Variants in DGKB observed in about 807,000 individuals in gnomAD.
DGKB encodes diacylglycerol kinase beta.
In DGKB, 67 loss-of-function variants were observed where a neutral mutation model predicts 114.3. The observed-to-expected ratio is 0.59, with a 90% CI of 0.48 to 0.72. DGKB has a LOEUF of 0.72. Ranked by LOEUF, DGKB falls within the 30% of genes least tolerant of loss-of-function variation. DGKB has a pLI of 0.00. For synonymous variants in DGKB, 398 were observed against 323.1 expected (o/e 1.23, Z -2.49); for missense variants, 907 against 975.2 (o/e 0.93, Z 0.93).
intron 23 of DGKB, among the ~76,000 whole-genome samples, chr7:14,268,055 G>C (rs966990158): frequency 6.6e-6 from 1 of 152,082 alleles, no homozygotes; most frequent in African/African-American, 2.4e-5. Context: ...TGCCAGCCAA[G>C]TATTATCCAG....
At chr7:14,188,542 C>T (rs1783804829) in intron 23 of DGKB, among the ~76,000 whole-genome samples, 1 of 144,242 alleles carries the variant, frequency 6.9e-6, no homozygotes, top group African/African-American at 2.5e-5. Flanking sequence ...CGCCTGTAGT[C>T]CCAGCTACTT....
chr7:14,220,548 C>T (rs901778224), intron 23 of DGKB, among the ~76,000 whole-genome samples: 1 of 151,434 alleles, frequency 6.6e-6, no homozygotes, highest in African/African-American at 2.4e-5. Context: ...TTTTCGAAAT[C>T]AGAAAATGTG....
At chr7:14,563,738 G>C (rs1181185424) in intron 20 of DGKB, among the ~76,000 whole-genome samples, 1 of 147,440 alleles carries the variant, frequency 6.8e-6, no homozygotes, top group Non-Finnish European at 1.5e-5. Flanking sequence ...GATTCTCTAT[G>C]TTTATGTAAT....
At chr7:14,329,934 GTAGGTGATCTGCCACTATTTTCAA>G (rs932936020) in intron 23 of DGKB, among the ~76,000 whole-genome samples, 7 of 151,958 alleles carry the variant, frequency 4.6e-5, no homozygotes, top group African/African-American at 1.7e-4. Flanking sequence ...TTTACTCTAG[GTAGGTGATCTGCCACTATTTTCAA>G]TAGACAGAGG....
At chr7:14,348,650 T>G (rs1812896875) in intron 21 of DGKB, among the ~76,000 whole-genome samples, 1 of 151,924 alleles carries the variant, frequency 6.6e-6, no homozygotes, top group Non-Finnish European at 1.5e-5. Flanking sequence ...GATTTGTACC[T>G]CAATGAAGCT....
chr7:14,560,639 G>C (rs1379018334), intron 20 of DGKB, among the ~76,000 whole-genome samples: 3 of 152,000 alleles, frequency 2.0e-5, no homozygotes, highest in Non-Finnish European at 4.4e-5. Context: ...TCTATATCTT[G>C]GCTATAGCAA....
chr7:14,392,995 G>GTTTTTTTTTTTTTTTT lies in DGKB; in HGVS notation c.1836-47605_1836-47604insAAAAAAAAAAAAAAAA, dbSNP rs1554404748. Among the ~76,000 whole-genome samples, 202 of 60,484 alleles carry GTTTTTTTTTTTTTTTT rather than the reference G, an allele frequency of 3.3e-3. 2 individuals are homozygous for GTTTTTTTTTTTTTTTT. The highest frequency in any genetic ancestry group is 5.8e-3 in the South Asian group (7 of 1,210). The allele number at this position is 60,484 out of a possible 152,430, so 39.7% of individuals were successfully genotyped here. ...CAAAACAGACCTGTTTTTTGTTTTT[G>GTTTTTTTTTTTTTTTT]TTTTTTTTTTTTTGAGACGGAGTCT... On this transcript the variant is annotated intron_variant, in intron 21 of 25. Transcript: ENST00000402815.
chr7:14,475,596 A>C (rs1782050024), intron 21 of DGKB, among the ~76,000 whole-genome samples: 2 of 152,176 alleles, frequency 1.3e-5, no homozygotes, highest in African/African-American at 4.8e-5. Flanking sequence ...TCGCAATAGA[A>C]ACCTGTGACT....
At chr7:14,920,927 A>AT (rs202228987) in intron 1 of DGKB, among the ~76,000 whole-genome samples, 3,766 of 151,982 alleles carry the variant, frequency 0.025, 165 homozygotes, top group African/African-American at 0.087. Flanking sequence ...TTTTAAATTA[A>AT]TTTTTTTTCA....
At chr7:14,485,440 T>A (rs950754618) in intron 20 of DGKB, among the ~76,000 whole-genome samples, 1 of 151,898 alleles carries the variant, frequency 6.6e-6, no homozygotes, top group Non-Finnish European at 1.5e-5. Flanking sequence ...AGTTTTGGAT[T>A]ACACTGCTGG....
At chr7:14,470,936 G>A (rs989430675) in intron 21 of DGKB, among the ~76,000 whole-genome samples, 4 of 151,280 alleles carry the variant, frequency 2.6e-5, no homozygotes, top group African/African-American at 4.8e-5. Flanking sequence ...TATATGGTAA[G>A]TAAAAATATT....
chr7:14,736,111 G>T lies in DGKB; in HGVS notation c.252C>A (p.Phe84Leu). The T allele has an allele frequency of 6.2e-7, 1 of 1,609,658 alleles. No individual in the cohort carries two copies. The highest frequency in any genetic ancestry group is 8.5e-7 in the Non-Finnish European group (1 of 1,176,766). Residue 84 changes from phenylalanine (F) to leucine (L), a missense_variant, in exon 5 of 26, where the codon TTC (phenylalanine) becomes TTA (leucine). Physicochemically the swap from Phe to Leu is conservative, Grantham distance 22 (BLOSUM62 0). Coordinates refer to ENST00000402815, the MANE Select transcript of DGKB (RefSeq NM_001350709.2). ...GAGGAAACTTGTTGCTAAATGACAT[G>T]AAAAGGTGTGCAGTGAAATCATCAG... is the stretch of plus-strand genomic sequence containing the variant. ...ELPDDFTAHL[F>L]MSFSNKFPHS...
At chr7:14,167,397 C>T (rs561184383) in intron 25 of DGKB, among the ~76,000 whole-genome samples, 1 of 151,938 alleles carries the variant, frequency 6.6e-6, no homozygotes, top group African/African-American at 2.4e-5. Context: ...ATCACAGAAC[C>T]CTGGAGGCAG....
intron 21 of DGKB, among the ~76,000 whole-genome samples, chr7:14,412,740 G>A (rs987411392): frequency 6.6e-6 from 1 of 152,050 alleles, no homozygotes; most frequent in Non-Finnish European, 1.5e-5. Flanking sequence ...CCAGAACTTT[G>A]AGAAGCTGAG....
chr7:14,710,006 T>G, intron 6 of DGKB, among the ~76,000 whole-genome samples: 1 of 134,296 alleles, frequency 7.4e-6, no homozygotes, highest in South Asian at 2.4e-4. Context: ...AAAAAGAAAA[T>G]GTTTGCCAAT....
intron 13 of DGKB, among the ~76,000 whole-genome samples, chr7:14,642,549 A>G (rs1392004290): frequency 6.6e-6 from 1 of 152,198 alleles, no homozygotes; most frequent in Non-Finnish European, 1.5e-5. Flanking sequence ...CTTCACACAG[A>G]AAAATTAATC....
At chr7:14,207,162 T>C (rs1786962280) in intron 23 of DGKB, among the ~76,000 whole-genome samples, 3 of 152,060 alleles carry the variant, frequency 2.0e-5, no homozygotes. Context: ...TCTCTCCCTC[T>C]GCCTCCTTTG....
chr7:14,750,824 A>G (rs1834014961), intron 4 of DGKB, among the ~76,000 whole-genome samples: 2 of 95,676 alleles, frequency 2.1e-5, no homozygotes, highest in African/African-American at 5.4e-5. Context: ...TTTCTGAGAC[A>G]GAGTCTCACT....
chr7:14,327,757 GA>G (rs1190795391), intron 23 of DGKB, among the ~76,000 whole-genome samples: 1 of 151,810 alleles, frequency 6.6e-6, no homozygotes, highest in African/African-American at 2.4e-5. Flanking sequence ...GTGAGGTTGT[GA>G]AAAAAAGACA....
Sources: allele counts gnomAD v4.1 joint callset (sites outside exome capture counted in the v4.1 genomes callset), GRCh38; gene constraint gnomAD v4.1.1; transcripts MANE v1.5; gene names NCBI Gene and HGNC (gene_info 2026-07-23, HGNC 2026-07-21).